MMP16: variants seen among roughly 807,000 people sequenced by gnomAD.
The protein encoded by MMP16 is matrix metalloproteinase-16.
In MMP16, 12 loss-of-function variants were observed where a neutral mutation model predicts 67.8. The ratio of observed to expected loss-of-function variants is 0.18; its 90% CI spans 0.11 to 0.29. MMP16 has a LOEUF of 0.29. MMP16 is among the 10% of genes least tolerant of loss of function. The probability of loss-of-function intolerance (pLI) is 1.00; values close to 1 mark genes in which losing one functional copy is unlikely to be tolerated. For synonymous variants in MMP16, 249 were observed against 255.9 expected, an observed-to-expected ratio of 0.97 and a Z score of 0.26; for missense variants, 475 against 765.7, an observed-to-expected ratio of 0.62 and a Z score of 4.48.
At chr8:88,049,574 C>G (rs138187851) in intron 8 of MMP16, among the ~76,000 whole-genome samples, 1,550 of 152,296 alleles carry the variant, frequency 0.01, 18 homozygotes, top group African/African-American at 0.035. Flanking sequence ...TTTTACATCT[C>G]TCAACATCAG....
intron 1 of MMP16, among the ~76,000 whole-genome samples, chr8:88,322,829 T>C (rs892879755): frequency 1.3e-5 from 2 of 151,992 alleles, no homozygotes; most frequent in African/African-American, 4.8e-5. Context: ...TGAATAACCA[T>C]AGACCTGAGT....
intron 1 of MMP16, among the ~76,000 whole-genome samples, chr8:88,223,284 G>T (rs892756058): frequency 6.6e-6 from 1 of 152,094 alleles, no homozygotes; most frequent in Admixed American, 6.6e-5. Flanking sequence ...AGACAGTGTG[G>T]TGATTCCTCA....
At position 88,184,671 on chromosome 8, in the gene MMP16, T is replaced by C. The variant is rs57790038; in HGVS notation, c.404+1805A>G. The stretch of plus-strand genomic sequence containing the variant: ...CTAAGGCAGGAGGATCCCTTGAGCC[T>C]GGGAGGCAGAGTTTGTAGTGAGCCA... On this transcript the variant is annotated intron_variant, in intron 3 of 9. Coordinates refer to ENST00000286614, the MANE Select transcript of MMP16 (RefSeq NM_005941.5). Among the ~76,000 whole-genome samples, 474 of 124,264 alleles carry C rather than the reference T, an allele frequency of 3.8e-3. 1 individual carries two copies. Among genetic ancestry groups the C allele is most frequent in the African/African-American group, 0.014 (460 of 32,286 alleles). The allele number at this position is 124,264 out of a possible 152,430, so 81.5% of individuals were successfully genotyped here. A position where few individuals can be genotyped will look rare whatever the true frequency, so the allele number is the denominator to read the frequency against.
intron 8 of MMP16, among the ~76,000 whole-genome samples, chr8:88,050,184 G>A (rs1296425367): frequency 1.3e-5 from 2 of 152,058 alleles, no homozygotes; most frequent in African/African-American, 2.4e-5. Flanking sequence ...TTATCTGGGC[G>A]TGGTGGCAGT....
chr8:88,060,007 G>C (rs963912033), intron 7 of MMP16, among the ~76,000 whole-genome samples: 3 of 151,748 alleles, frequency 2.0e-5, no homozygotes, highest in Non-Finnish European at 2.9e-5. Context: ...AGTGATACAA[G>C]GAGCAAAGCT....
intron 4 of MMP16, among the ~76,000 whole-genome samples, chr8:88,131,268 T>TACACACACACAC (rs111863181): frequency 0.065 from 9,478 of 146,824 alleles, 313 homozygotes; most frequent in South Asian, 0.082. Flanking sequence ...TATAGTATTA[T>TACACACACACAC]ACACACACAC....
intron 6 of MMP16, among the ~76,000 whole-genome samples, chr8:88,096,515 A>T (rs1809029346): frequency 6.6e-6 from 1 of 150,790 alleles, no homozygotes; most frequent in African/African-American, 2.4e-5. Context: ...GATCACTGCC[A>T]TTTTTTTTTG....
chr8:88,273,899 AG>A (rs1810604918), intron 1 of MMP16, among the ~76,000 whole-genome samples: 2 of 152,196 alleles, frequency 1.3e-5, no homozygotes, highest in African/African-American at 4.8e-5. Flanking sequence ...ACATAACAGG[AG>A]GGGACACCAC....
At chr8:88,198,757 A>G (rs1227842285) in intron 1 of MMP16, among the ~76,000 whole-genome samples, 1 of 152,082 alleles carries the variant, frequency 6.6e-6, no homozygotes, top group Non-Finnish European at 1.5e-5. Context: ...GAAATGAGCA[A>G]TGCATCACTG....
chr8:88,200,599 AG>A (rs1809328586), intron 1 of MMP16, among the ~76,000 whole-genome samples: 1 of 152,076 alleles, frequency 6.6e-6, no homozygotes, highest in Non-Finnish European at 1.5e-5. Flanking sequence ...CAGCAGTAAA[AG>A]GTAAACACTT....
chr8:88,043,743 A>G (rs1808163578), intron 9 of MMP16, among the ~76,000 whole-genome samples: 1 of 152,206 alleles, frequency 6.6e-6, no homozygotes, highest in African/African-American at 2.4e-5. Flanking sequence ...CAACTTGCCA[A>G]GTGAAAACAG....
In MMP16 at chr8:88,086,509, A is replaced by G. The variant is rs1170315674; in HGVS notation, c.1084-11766T>C. Among the ~76,000 whole-genome samples, 4 of 151,922 alleles carry G rather than the reference A, an allele frequency of 2.6e-5. 1 individual carries two copies. The highest frequency in any genetic ancestry group is 9.7e-5 in the African/African-American group (4 of 41,256). On this transcript the variant is annotated intron_variant, in intron 6 of 9. Coordinates refer to ENST00000286614, the MANE Select transcript of MMP16 (RefSeq NM_005941.5). ...TACGGAGGAGGAGAGGCAGACAGCT[A>G]ATTTCAAAATGCTGTGTAAAATGCT...
intron 4 of MMP16, among the ~76,000 whole-genome samples, chr8:88,140,222 G>C (rs527914639): frequency 1.3e-5 from 2 of 152,190 alleles, no homozygotes; most frequent in East Asian, 3.9e-4. Context: ...CTTGGGTCTC[G>C]GGTCTCATAT....
At chr8:88,083,361 G>T (rs1808784211) in intron 6 of MMP16, among the ~76,000 whole-genome samples, 1 of 152,012 alleles carries the variant, frequency 6.6e-6, no homozygotes, top group African/African-American at 2.4e-5. Context: ...GAGAATAGTT[G>T]AGTCTGGGCT....
intron 4 of MMP16, among the ~76,000 whole-genome samples, chr8:88,120,526 T>G (rs755009341): frequency 2.6e-5 from 4 of 151,812 alleles, no homozygotes; most frequent in Non-Finnish European, 4.4e-5. Flanking sequence ...CATGGGTCAA[T>G]TTTGGCTGGA....
In MMP16 at chr8:88,041,361, CA is replaced by C. The variant is rs769605965; in HGVS notation, c.*99del. ...AGGTCAGCCCCGAATCAGGCTGCCA[CA>C]AGCCTGCTCCTAGCTAGGAAACAGC... On this transcript the variant is annotated 3_prime_UTR_variant, in exon 10 of 10. Coordinates refer to ENST00000286614, the MANE Select transcript of MMP16 (RefSeq NM_005941.5). The surrounding 1 kb of genome is among the most constrained non-coding windows in gnomAD (Gnocchi z 6.0). The C allele has an allele frequency of 1.3e-3, 1,637 of 1,280,218 alleles. 11 individuals are homozygous for C. The highest frequency in any genetic ancestry group is 3.1e-3 in the South Asian group (215 of 69,982). The allele number at this position is 1,280,218 out of a possible 1,614,324, so 79.3% of individuals were successfully genotyped here.
chr8:88,149,559 C>T (rs1167788279), intron 4 of MMP16, among the ~76,000 whole-genome samples: 1 of 152,084 alleles, frequency 6.6e-6, no homozygotes. Context: ...GACCCCTGAC[C>T]CCCGAGCAGC....
At chr8:88,188,311 T>TA (rs1809105454) in intron 2 of MMP16, among the ~76,000 whole-genome samples, 1 of 152,206 alleles carries the variant, frequency 6.6e-6, no homozygotes, top group South Asian at 2.1e-4. Flanking sequence ...CTAAGGTAGG[T>TA]ACTTATCTTT....
chr8:88,053,866 C>A (rs1278414694), intron 8 of MMP16, among the ~76,000 whole-genome samples: 1 of 151,968 alleles, frequency 6.6e-6, no homozygotes, highest in Non-Finnish European at 1.5e-5. Flanking sequence ...ACCTATAAAA[C>A]CATAGTCATT....
Sources: gnomAD v4.1 joint callset for allele counts (sites outside exome capture counted in the v4.1 genomes callset) on GRCh38, gnomAD v4.1.1 for gene constraint, Gnocchi (gnomAD v3.1) non-coding constraint, MANE v1.5 for transcripts, NCBI Gene and HGNC (gene_info 2026-07-23, HGNC 2026-07-21) for gene names.